The following TPRG1L variants were observed in gnomAD, a reference collection of about 807,000 sequenced individuals.
TPRG1L encodes the protein tumor protein p63-regulated gene 1-like protein.
TPRG1L carries 25 observed loss-of-function variants against 29.4 expected under a neutral mutation model. The ratio of observed to expected loss-of-function variants is 0.85; its 90% CI spans 0.62 to 1.19. The LOEUF (loss-of-function observed/expected upper bound fraction) is 1.19, where lower values mean the gene tolerates loss of function less well. Ranked by LOEUF, TPRG1L falls within the 50% of genes most tolerant of loss-of-function variation. The pLI is 0.00. For missense variants in TPRG1L, 354 were observed against 364.4 expected (o/e 0.97, Z 0.23); for synonymous variants, 182 against 151.1 (o/e 1.20, Z -1.50).
intron 4 of TPRG1L, 84 bp downstream of exon 4, chr1:3,627,737 A>G: frequency 6.4e-7 from 1 of 1,569,054 alleles, no homozygotes; most frequent in Non-Finnish European, 8.7e-7. Flanking sequence ...TCAGGTCTGC[A>G]CTGTCCGGCG....
chr1:3,628,930 T>C lies in TPRG1L; in HGVS notation c.*327T>C. The C allele has an allele frequency of 9.0e-6, 2 of 221,088 alleles. No individual in the cohort carries two copies. Among genetic ancestry groups the C allele is most frequent in the Non-Finnish European group, 9.0e-6 (1 of 111,680 alleles). 13.7% of individuals were successfully genotyped at this position (221,088 alleles called of 1,614,324 possible). ...CCTTGAGTATCTACTTGGCTTCTCG[T>C]GGTTTTTCCCACCCCAGCTGCCCCA... On this transcript the variant is annotated 3_prime_UTR_variant, in exon 5 of 5. Transcript: ENST00000378344.
chr1:3,627,417 C>A (rs1644497756), intron 3 of TPRG1L, 83 bp from the exon 4 acceptor site: 1 of 1,524,492 alleles, frequency 6.6e-7, no homozygotes, highest in Non-Finnish European at 9.0e-7. Flanking sequence ...GTCATATTCT[C>A]CTAACTGATG....
In TPRG1L at chr1:3,625,058, G is replaced by C; in HGVS notation, c.-15G>C. On this transcript the variant is annotated 5_prime_UTR_variant, in exon 1 of 5. Coordinates refer to ENST00000378344, the MANE Select transcript of TPRG1L (RefSeq NM_182752.4). ...CGCGTCGGCGTCAGGGTCGGGGTCG[G>C]TAAGGGGTGCGGCAATGCTGCAACT... is the stretch of plus-strand genomic sequence containing the variant. The C allele has an allele frequency of 8.3e-7, 1 of 1,203,920 alleles. No individual in the cohort carries two copies. The highest frequency in any genetic ancestry group is 1.0e-6 in the Non-Finnish European group (1 of 961,456). 74.6% of individuals were successfully genotyped at this position (1,203,920 alleles called of 1,614,324 possible). A position where few individuals can be genotyped will look rare whatever the true frequency, so the allele number is the denominator to read the frequency against.
Position 3,629,110 on chromosome 1 carries a change from C to G in TPRG1L, c.*507C>G, listed in dbSNP as rs961212442. The G allele has an allele frequency of 3.9e-5, 6 of 152,376 alleles. No individual in the cohort carries two copies. The highest frequency in any genetic ancestry group is 1.4e-4 in the African/African-American group (6 of 41,558). The allele number at this position is 152,376 out of a possible 1,614,324, so 9.4% of individuals were successfully genotyped here. On this transcript the variant is annotated 3_prime_UTR_variant, in exon 5 of 5. Coordinates refer to ENST00000378344, the MANE Select transcript of TPRG1L (RefSeq NM_182752.4). Reference sequence around the variant, plus strand: ...GTAATCCATTTTTACTTCAGCTCATCCAAAAGCAGCCAGCAGACCGGTTGA... The same window carrying G: ...GTAATCCATTTTTACTTCAGCTCATGCAAAAGCAGCCAGCAGACCGGTTGA...
At position 3,625,101 on chromosome 1, in the gene TPRG1L, C is replaced by T. The variant is rs1338952475; in HGVS notation, c.29C>T (p.Ser10Leu). The part of the protein sequence containing the change: MLQLRDSVD[S>L]AGTSPTAVLA... ...CTGCAACTGCGGGACTCGGTGGACT[C>T]GGCCGGTACGAGCCCCACGGCGGTG... The change falls in exon 1 of 5, where the codon TCG becomes TTG. Residue 10 changes from serine (S) to leucine (L), a missense_variant. Physicochemically the swap from Ser to Leu is moderately radical, Grantham distance 145. Coordinates refer to ENST00000378344, the MANE Select transcript of TPRG1L (RefSeq NM_182752.4). 3.3e-6 allele frequency: 4 copies of T among 1,217,338 alleles called. No homozygotes were observed. In the African/African-American group the frequency reaches 4.8e-5, roughly 15 times the overall value. The allele number at this position is 1,217,338 out of a possible 1,614,324, so 75.4% of individuals were successfully genotyped here.
intron 3 of TPRG1L, 101 bp downstream of exon 3, chr1:3,625,990 G>T: frequency 8.6e-7 from 1 of 1,161,868 alleles, no homozygotes; most frequent in Non-Finnish European, 1.2e-6. Context: ...TGTCTTCTCT[G>T]TCATTAATTA....
rs755938545 is a variant in TPRG1L, at chr1:3,625,889, A to C, written c.470A>C (p.Lys157Thr). 65 of 1,609,364 alleles carry C rather than the reference A, an allele frequency of 4.0e-5. No individual in the cohort carries two copies. The highest frequency in any genetic ancestry group is 1.1e-4 in the African/African-American group (8 of 74,860). ...CAGTTTCCCCCTAAATCGCTCAACA[A>C]GTAAGCCTGTTCAGAGTCCAGTATC... is the stretch of plus-strand genomic sequence containing the variant. ...EFQFPPKSLN[K>T]REGFGIRIQW... Residue 157 changes from lysine (K) to threonine (T), a missense_variant and splice_region_variant, in exon 3 of 5, where the codon AAG becomes ACG. Coordinates refer to ENST00000378344, the MANE Select transcript of TPRG1L (RefSeq NM_182752.4).
chr1:3,627,536 G>A lies in TPRG1L; in HGVS notation c.507G>A (p.Lys169=), dbSNP rs878934342. The part of the protein sequence containing the change: ...EGFGIRIQWD[K]QSRPSFINRW... The stretch of plus-strand genomic sequence containing the variant: ...TTGGGATTCGAATTCAGTGGGACAA[G>A]CAAAGTCGTCCTTCCTTCATAAACA... The change falls in exon 4 of 5, where the codon AAG becomes AAA. Residue 169 remains lysine (K), a synonymous_variant. Transcript: ENST00000378344. The A allele has an allele frequency of 1.2e-6, 2 of 1,614,080 alleles. No individual in the cohort carries two copies. The highest frequency in any genetic ancestry group is 1.6e-4 in the Middle Eastern group (1 of 6,062).
rs1570286040 is a variant in TPRG1L, at chr1:3,629,919, C to T, written c.*1316C>T. The T allele has an allele frequency of 6.6e-6, 1 of 152,262 alleles. No homozygotes were observed. The highest frequency in any genetic ancestry group is 2.1e-4 in the South Asian group (1 of 4,836). 9.4% of individuals were successfully genotyped at this position (152,262 alleles called of 1,614,324 possible). A position where few individuals can be genotyped will look rare whatever the true frequency, so the allele number is the denominator to read the frequency against. ...GGCTGGAAGCGCTGTCGATAAGCTTCACGCACTGGCTTGCCAGTTCTTCAG... is the reference window on the plus strand; with the variant it reads ...GGCTGGAAGCGCTGTCGATAAGCTTTACGCACTGGCTTGCCAGTTCTTCAG... On this transcript the variant is annotated 3_prime_UTR_variant, in exon 5 of 5. Transcript: ENST00000378344.
chr1:3,627,636 A>G lies in TPRG1L; in HGVS notation c.607A>G (p.Thr203Ala), dbSNP rs2101946433. The change falls in exon 4 of 5, where the codon ACA becomes GCA. Residue 203 changes from threonine to alanine, a missense_variant. By Grantham distance (58) the Thr-to-Ala change is moderately conservative (BLOSUM62 0). Transcript: ENST00000378344. ...CCCGATGGCTGGCGCAGATGAGAAGACAGCATCTCTGTGTCAGGTAAGAAG... is the reference window on the plus strand; with the variant it reads ...CCCGATGGCTGGCGCAGATGAGAAGGCAGCATCTCTGTGTCAGGTAAGAAG... ...EHPMAGADEK[T>A]ASLCQLESFK... 1.2e-6 allele frequency: 2 copies of G among 1,613,888 alleles called. No individual in the cohort carries two copies. Among genetic ancestry groups the G allele is most frequent in the South Asian group, 2.2e-5 (2 of 91,072 alleles).
intron 3 of TPRG1L, 101 bp from the exon 4 acceptor site, chr1:3,627,398 CT>C: frequency 7.4e-7 from 1 of 1,357,712 alleles, no homozygotes; most frequent in Non-Finnish European, 1.0e-6. Context: ...TAAACGTGTG[CT>C]TTTTGCTGTC....
At chr1:3,626,939 C>T (rs1328293295) in intron 3 of TPRG1L, among the ~76,000 whole-genome samples, 3 of 152,096 alleles carry the variant, frequency 2.0e-5, no homozygotes, top group Non-Finnish European at 4.4e-5. Context: ...CATTTAATAA[C>T]CAAAATATAC....
intron 4 of TPRG1L, 112 bp downstream of exon 4, chr1:3,627,765 A>G (rs936646320): frequency 6.5e-6 from 9 of 1,381,410 alleles, no homozygotes; most frequent in Middle Eastern, 2.1e-4. Context: ...GGAGCTGCCG[A>G]GCACTTGAGA....
rs1194591891 is a variant in TPRG1L at position 3,629,860 on chromosome 1, C to G, written c.*1257C>G. On this transcript the variant is annotated 3_prime_UTR_variant, in exon 5 of 5. Coordinates refer to ENST00000378344, the MANE Select transcript of TPRG1L (RefSeq NM_182752.4). ...TGGAGGATTTCCCCACAGGGACCCA[C>G]GCACCTCCCTGTATCTGCGCAGCTT... The G allele has an allele frequency of 1.3e-5, 2 of 152,306 alleles. No homozygotes were observed. Among genetic ancestry groups the G allele is most frequent in the Admixed American group, 6.5e-5 (1 of 15,288 alleles). 9.4% of individuals were successfully genotyped at this position (152,306 alleles called of 1,614,324 possible). A position where few individuals can be genotyped will look rare whatever the true frequency, so the allele number is the denominator to read the frequency against.
chr1:3,626,585 CTTT>C (rs112397153), intron 3 of TPRG1L, among the ~76,000 whole-genome samples: 8 of 137,996 alleles, frequency 5.8e-5, no homozygotes, highest in Admixed American at 2.2e-4. Flanking sequence ...TAATTATTCC[CTTT>C]TTTTTTTTTT....
At chr1:3,627,791 G>A (rs1570284096) in intron 4 of TPRG1L, 138 bp downstream of exon 4, 4 of 1,092,220 alleles carry the variant, frequency 3.7e-6, no homozygotes, top group Middle Eastern at 5.6e-4. Context: ...CTAGAAATGA[G>A]AGAGGAAGCT....
Position 3,625,164 on chromosome 1 carries a change from CGGGCGGGGGGCGGCCGG to C in TPRG1L, c.101_117del (p.Gly34AspfsTer66), listed in dbSNP as rs1644473809. The stretch of plus-strand genomic sequence containing the variant: ...GAGGAGGTGGGGGCAGGCGGCGGCC[CGGGCGGGGGGCGGCCGG>C]GGGCGGGGACGCCGCTGCGCCAGAC... On this transcript the variant is annotated frameshift_variant, in exon 1 of 5. Transcript: ENST00000378344. LOFTEE classifies it high-confidence loss of function. 6 of 1,229,682 alleles carry C rather than the reference CGGGCGGGGGGCGGCCGG, an allele frequency of 4.9e-6. No individual in the cohort carries two copies. The highest frequency in any genetic ancestry group is 6.1e-6 in the Non-Finnish European group (6 of 984,140). 76.2% of individuals were successfully genotyped at this position (1,229,682 alleles called of 1,614,324 possible).
At position 3,625,033 on chromosome 1, in the gene TPRG1L, C is replaced by T. The variant is rs1440394491; in HGVS notation, c.-40C>T. On this transcript the variant is annotated 5_prime_UTR_variant, in exon 1 of 5. Transcript: ENST00000378344. ...TGGCGGTGGCTGCGGCGACGGCGGT[C>T]GCGTCGGCGTCAGGGTCGGGGTCGG... The T allele has an allele frequency of 2.5e-6, 3 of 1,187,868 alleles. No individual in the cohort carries two copies. The highest frequency in any genetic ancestry group is 4.6e-5 in the Admixed American group (1 of 21,658). 73.6% of individuals were successfully genotyped at this position (1,187,868 alleles called of 1,614,324 possible). A position where few individuals can be genotyped will look rare whatever the true frequency, so the allele number is the denominator to read the frequency against.
Position 3,625,033 on chromosome 1 carries a change from C to G in TPRG1L, c.-40C>G, listed in dbSNP as rs1440394491. The G allele has an allele frequency of 4.2e-6, 5 of 1,187,978 alleles. No individual in the cohort carries two copies. The highest frequency in any genetic ancestry group is 3.2e-5 in the African/African-American group (2 of 61,730). 73.6% of individuals were successfully genotyped at this position (1,187,978 alleles called of 1,614,324 possible). A position where few individuals can be genotyped will look rare whatever the true frequency, so the allele number is the denominator to read the frequency against. On this transcript the variant is annotated 5_prime_UTR_variant, in exon 1 of 5. Coordinates refer to ENST00000378344, the MANE Select transcript of TPRG1L (RefSeq NM_182752.4). ...TGGCGGTGGCTGCGGCGACGGCGGT[C>G]GCGTCGGCGTCAGGGTCGGGGTCGG...
Sources: gnomAD v4.1 joint callset for allele counts (sites outside exome capture counted in the v4.1 genomes callset) on GRCh38, gnomAD v4.1.1 for gene constraint, MANE v1.5 for transcripts, NCBI Gene and HGNC (gene_info 2026-07-23, HGNC 2026-07-21) for gene names.